ZNF618: variants seen among roughly 807,000 people sequenced by gnomAD.
ZNF618 encodes the protein zinc finger protein 618.
In ZNF618, 34 loss-of-function variants were observed where a neutral mutation model predicts 103.0. The observed-to-expected ratio is 0.33, with a 90% confidence interval of 0.25 to 0.44. ZNF618 has a LOEUF of 0.44. Among genes scored for constraint, ZNF618 ranks in the 20% least tolerant of loss-of-function variants. ZNF618 has a pLI of 1.00. For missense variants in ZNF618, 1,059 were observed against 1,295.4 expected (o/e 0.82, Z 2.80); for synonymous variants, 551 against 542.2 (o/e 1.02, Z -0.23).
At chr9:114,029,417 T>C (rs943153346) in intron 11 of ZNF618, among the ~76,000 whole-genome samples, 1 of 152,192 alleles carries the variant, frequency 6.6e-6, no homozygotes, top group African/African-American at 2.4e-5. Context: ...AGGACAACGA[T>C]TGGCTGCCTC....
chr9:113,887,323 C>G (rs1829168003), intron 1 of ZNF618, among the ~76,000 whole-genome samples: 5 of 152,122 alleles, frequency 3.3e-5, no homozygotes, highest in Non-Finnish European at 1.5e-5. Context: ...TATGTTGTTT[C>G]CCACTCTGCT....
intron 9 of ZNF618, among the ~76,000 whole-genome samples, chr9:114,010,953 A>G (rs928352873): frequency 1.5e-4 from 23 of 152,200 alleles, no homozygotes; most frequent in Admixed American, 7.9e-4. Flanking sequence ...TGAGTATCCC[A>G]TAAGTTGCGG....
chr9:113,891,358 G>A (rs559794133), intron 1 of ZNF618, among the ~76,000 whole-genome samples: 8 of 152,286 alleles, frequency 5.3e-5, no homozygotes, highest in South Asian at 2.1e-4. Flanking sequence ...ACATTTCTCC[G>A]AAGAAATATA....
chr9:113,910,432 T>C (rs1214314449), intron 1 of ZNF618, among the ~76,000 whole-genome samples: 1 of 152,180 alleles, frequency 6.6e-6, no homozygotes, highest in Non-Finnish European at 1.5e-5. Context: ...AGCATCAGCT[T>C]CCGGGGCTTA....
At chr9:113,937,593 T>C (rs768809505) in intron 1 of ZNF618, among the ~76,000 whole-genome samples, 2 of 152,244 alleles carry the variant, frequency 1.3e-5, no homozygotes, top group South Asian at 4.1e-4. Flanking sequence ...ACATTTCTTA[T>C]GAGTACAGGC....
intron 2 of ZNF618, among the ~76,000 whole-genome samples, chr9:113,985,549 G>A (rs1376013201): frequency 1.3e-5 from 2 of 150,258 alleles, no homozygotes; most frequent in Admixed American, 1.3e-4. Flanking sequence ...TCTTGCTCAT[G>A]ATATTATCCC....
intron 1 of ZNF618, among the ~76,000 whole-genome samples, chr9:113,891,463 TA>T (rs1157142593): frequency 6.6e-6 from 1 of 152,318 alleles, no homozygotes; most frequent in Admixed American, 6.5e-5. Context: ...GTATGGCTGT[TA>T]TTTTTTTTAA....
intron 1 of ZNF618, among the ~76,000 whole-genome samples, chr9:113,951,737 C>T (rs1835801305): frequency 6.6e-6 from 1 of 151,830 alleles, no homozygotes; most frequent in South Asian, 2.1e-4. Flanking sequence ...TGACTTTTCC[C>T]ATCTTGGAGT....
At chr9:113,907,658 C>T (rs77769128) in intron 1 of ZNF618, among the ~76,000 whole-genome samples, 1 of 152,314 alleles carries the variant, frequency 6.6e-6, no homozygotes, top group East Asian at 1.9e-4. Context: ...AGGACCCCCC[C>T]GCATGAGAGG....
At chr9:114,016,097 T>C (rs1301335854) in intron 9 of ZNF618, 1 of 1,593,580 alleles carries the variant, frequency 6.3e-7, no homozygotes, top group Non-Finnish European at 8.6e-7. Flanking sequence ...ATCAGTATTT[T>C]ATAATTTTCC....
chr9:113,944,609 G>A (rs1834842468), intron 1 of ZNF618, among the ~76,000 whole-genome samples: 1 of 152,076 alleles, frequency 6.6e-6, no homozygotes, highest in East Asian at 1.9e-4. Flanking sequence ...ATAACACAGA[G>A]TTATCTAATA....
At chr9:113,951,402 C>CATATATATACACACATATAT (rs1564206554) in intron 1 of ZNF618, among the ~76,000 whole-genome samples, 1 of 33,558 alleles carries the variant, frequency 3.0e-5, no homozygotes, top group Non-Finnish European at 6.7e-5. Flanking sequence ...TATATATATA[C>CATATATATACACACATATAT]GTATATATAC....
At chr9:114,017,186 C>T (rs1842719477) in intron 10 of ZNF618, among the ~76,000 whole-genome samples, 1 of 152,180 alleles carries the variant, frequency 6.6e-6, no homozygotes, top group Non-Finnish European at 1.5e-5. Context: ...ATGAAGGAGC[C>T]CGGGCTAGGG....
At chr9:113,929,558 T>C (rs892338699) in intron 1 of ZNF618, among the ~76,000 whole-genome samples, 1 of 152,188 alleles carries the variant, frequency 6.6e-6, no homozygotes. Context: ...CACCCTTAAA[T>C]TAGCTGGGAG....
At chr9:113,906,286 A>G (rs568576259) in intron 1 of ZNF618, among the ~76,000 whole-genome samples, 7 of 152,300 alleles carry the variant, frequency 4.6e-5, no homozygotes, top group South Asian at 4.1e-4. Flanking sequence ...GATGATGAAT[A>G]TGAAACTGCT....
intron 1 of ZNF618, among the ~76,000 whole-genome samples, chr9:113,887,927 C>T (rs939625935): frequency 6.6e-6 from 1 of 152,140 alleles, no homozygotes; most frequent in Non-Finnish European, 1.5e-5. Flanking sequence ...AATTTATCTG[C>T]CTTGAAATAC....
intron 10 of ZNF618, among the ~76,000 whole-genome samples, chr9:114,018,893 C>T (rs1009466468): frequency 6.6e-6 from 1 of 152,162 alleles, no homozygotes; most frequent in Non-Finnish European, 1.5e-5. Context: ...AATTATTTAT[C>T]CAAGGCTGTC....
At chr9:114,036,182 C>T in intron 12 of ZNF618, 118 bp from the exon 13 acceptor site, 1 of 894,268 alleles carries the variant, frequency 1.1e-6, no homozygotes. Flanking sequence ...GGCCCGGAGC[C>T]CTGAGCACAG....
chr9:113,881,131 A>C (rs561056266), intron 1 of ZNF618, among the ~76,000 whole-genome samples: 2 of 152,210 alleles, frequency 1.3e-5, no homozygotes, highest in Non-Finnish European at 2.9e-5. Flanking sequence ...GAGGAGATCT[A>C]AAGTGTGTGG....
Sources: gnomAD v4.1 joint callset for allele counts (sites outside exome capture counted in the v4.1 genomes callset) on GRCh38, gnomAD v4.1.1 for gene constraint, MANE v1.5 for transcripts, NCBI Gene and HGNC (gene_info 2026-07-23, HGNC 2026-07-21) for gene names.